KIF5C: variants seen among roughly 807,000 people sequenced by gnomAD.
KIF5C encodes kinesin heavy chain isoform 5C.
KIF5C carries 18 observed loss-of-function variants against 125.2 expected under a neutral mutation model. That is an observed-to-expected ratio of 0.14 (90% CI 0.10 to 0.21). The LOEUF (loss-of-function observed/expected upper bound fraction) is 0.21. KIF5C is among the 10% of genes least tolerant of loss of function. The pLI is 1.00. For synonymous variants in KIF5C, 405 were observed against 434.0 expected (o/e 0.93, Z 0.83); for missense variants, 780 against 1,183.8 (o/e 0.66, Z 5.01).
intron 1 of KIF5C, among the ~76,000 whole-genome samples, chr2:148,907,776 AAG>A (rs1277998210): frequency 6.6e-5 from 10 of 152,130 alleles, no homozygotes; most frequent in Admixed American, 2.0e-4. Context: ...GGGCAGGGAG[AAG>A]AGAGTACCTA....
chr2:148,910,840 T>C (rs1308838974), intron 1 of KIF5C, among the ~76,000 whole-genome samples: 1 of 152,160 alleles, frequency 6.6e-6, no homozygotes, highest in African/African-American at 2.4e-5. Context: ...GTAGTAAGAA[T>C]AGTTGAGACA....
intron 24 of KIF5C, among the ~76,000 whole-genome samples, chr2:149,011,327 C>T (rs1320759178): frequency 1.3e-5 from 2 of 152,096 alleles, no homozygotes; most frequent in Admixed American, 1.3e-4. Flanking sequence ...TTTTCTTGGC[C>T]CAAATTAGAA....
intron 10 of KIF5C, among the ~76,000 whole-genome samples, chr2:148,960,695 T>A (rs1006605428): frequency 1.3e-5 from 2 of 152,224 alleles, no homozygotes; most frequent in Non-Finnish European, 2.9e-5. Flanking sequence ...ACATCTGTAG[T>A]GCTGGTGAGG....
At chr2:148,912,058 T>C (rs1681361643) in intron 1 of KIF5C, among the ~76,000 whole-genome samples, 1 of 152,220 alleles carries the variant, frequency 6.6e-6, no homozygotes, top group Non-Finnish European at 1.5e-5. Context: ...CTAACGAATC[T>C]GATAAGCTAA....
intron 1 of KIF5C, among the ~76,000 whole-genome samples, chr2:148,889,398 C>T (rs530860566): frequency 6.6e-6 from 1 of 152,208 alleles, no homozygotes; most frequent in East Asian, 1.9e-4. Context: ...ACTCTGGGGG[C>T]CAGGCTGGTG....
intron 20 of KIF5C, 33 bp from the exon 21 acceptor site, chr2:149,000,689 T>C: frequency 6.2e-7 from 1 of 1,611,782 alleles, no homozygotes; most frequent in Non-Finnish European, 8.5e-7. Context: ...CTGAGTCCCC[T>C]GTGGTGGTCT....
At chr2:148,975,634 T>C (rs912419000) in intron 12 of KIF5C, among the ~76,000 whole-genome samples, 5 of 152,226 alleles carry the variant, frequency 3.3e-5, no homozygotes, top group Admixed American at 1.3e-4. Flanking sequence ...TCCTCCCAGC[T>C]GTCCCTTCTG....
rs116095317 is a variant in KIF5C, at chr2:148,886,060, G to A, written c.126+10317G>A. The A allele has an allele frequency of 1.8e-3, 278 of 152,294 alleles. 2 individuals are homozygous for A. Among genetic ancestry groups the A allele is most frequent in the African/African-American group, 6.3e-3 (262 of 41,542 alleles). 9.4% of individuals were successfully genotyped at this position (152,294 alleles called of 1,614,324 possible). ...TTATTGATTTTCACCTGGGAATCTG[G>A]GCACATAACAACTCCATCGATATTA... On this transcript the variant is annotated intron_variant, in intron 1 of 25. Transcript: ENST00000435030.
chr2:148,977,958 A>G (rs1219409004), intron 12 of KIF5C, among the ~76,000 whole-genome samples: 1 of 152,126 alleles, frequency 6.6e-6, no homozygotes. Flanking sequence ...GCTGATGAAA[A>G]CACCTAGACA....
chr2:148,971,807 A>G (rs931360238), intron 11 of KIF5C, among the ~76,000 whole-genome samples: 1 of 152,194 alleles, frequency 6.6e-6, no homozygotes, highest in African/African-American at 2.4e-5. Context: ...GCAGAACTAA[A>G]CTATCACAGT....
chr2:148,909,378 G>T (rs527583787), intron 1 of KIF5C, among the ~76,000 whole-genome samples: 1 of 152,262 alleles, frequency 6.6e-6, no homozygotes, highest in Middle Eastern at 3.4e-3. Flanking sequence ...TCCTTGACCC[G>T]CATATCACAA....
intron 4 of KIF5C, among the ~76,000 whole-genome samples, chr2:148,939,719 C>T (rs1323190345): frequency 6.6e-6 from 1 of 152,142 alleles, no homozygotes; most frequent in Non-Finnish European, 1.5e-5. Flanking sequence ...ACTTTGTATT[C>T]TGAACCGGAT....
chr2:148,925,920 C>T (rs1175983713), intron 2 of KIF5C, among the ~76,000 whole-genome samples: 2 of 152,124 alleles, frequency 1.3e-5, no homozygotes, highest in East Asian at 1.9e-4. Flanking sequence ...GCTGGCCAGC[C>T]GGCATGCGGG....
rs562984948 is a variant in KIF5C at position 148,948,439 on chromosome 2, A to G, written c.715-1400A>G. ...CAACAGATGGAAATAATGGAGGATT[A>G]TTGTTATTTAGAGCCTAAATACACC... is the stretch of plus-strand genomic sequence containing the variant. On this transcript the variant is annotated intron_variant, in intron 8 of 25. Coordinates refer to ENST00000435030, the MANE Select transcript of KIF5C (RefSeq NM_004522.3). Among the ~76,000 whole-genome samples the G allele has an allele frequency of 5.3e-5, 8 of 152,246 alleles. No individual in the cohort carries two copies. The East Asian group carries it at 7.7e-4, about 15-fold the overall frequency.
At chr2:148,958,959 G>T (rs1682862395) in intron 10 of KIF5C, among the ~76,000 whole-genome samples, 1 of 151,942 alleles carries the variant, frequency 6.6e-6, no homozygotes, top group African/African-American at 2.4e-5. Flanking sequence ...ACTCCAGCCT[G>T]GGCAACAGAG....
chr2:148,917,064 G>A (rs1681584698), intron 1 of KIF5C, among the ~76,000 whole-genome samples: 1 of 152,220 alleles, frequency 6.6e-6, no homozygotes, highest in South Asian at 2.1e-4. Flanking sequence ...CCTAGCCTCT[G>A]ATTGGCCTTT....
At chr2:148,980,675 C>CTTAT (rs5835290) in intron 13 of KIF5C, among the ~76,000 whole-genome samples, 21,843 of 144,530 alleles carry the variant, frequency 0.15, 1,834 homozygotes, top group African/African-American at 0.22. Context: ...AGATCCTTTG[C>CTTAT]TTATTTATTT....
intron 11 of KIF5C, among the ~76,000 whole-genome samples, chr2:148,966,754 T>A (rs1680724536): frequency 6.6e-6 from 1 of 152,082 alleles, no homozygotes; most frequent in African/African-American, 2.4e-5. Flanking sequence ...TGGGAGGTGA[T>A]TGGGTTCTGA....
intron 8 of KIF5C, chr2:148,947,534 A>G (rs9711815): frequency 0.13 from 26,046 of 202,384 alleles, 2,620 homozygotes; most frequent in African/African-American, 0.3. Flanking sequence ...TCCCATGTGG[A>G]AGGCCTTGGC....
Sources: gnomAD v4.1 joint callset for allele counts (sites outside exome capture counted in the v4.1 genomes callset) on GRCh38, gnomAD v4.1.1 for gene constraint, MANE v1.5 for transcripts, NCBI Gene and HGNC (gene_info 2026-07-23, HGNC 2026-07-21) for gene names.